Variants in CIB4 observed in about 807,000 individuals in gnomAD.
CIB4 encodes calcium and integrin-binding family member 4.
CIB4 carries 25 observed loss-of-function variants against 25.8 expected under a neutral mutation model. The ratio of observed to expected loss-of-function variants is 0.97; its 90% CI spans 0.71 to 1.35. The LOEUF (loss-of-function observed/expected upper bound fraction) is 1.35. Ranked by LOEUF, CIB4 falls within the 40% of genes most tolerant of loss-of-function variation. The probability of loss-of-function intolerance (pLI) is 0.00; values close to 1 mark genes in which losing one functional copy is unlikely to be tolerated. For missense variants in CIB4, 235 were observed against 228.2 expected (o/e 1.03, Z -0.19); for synonymous variants, 75 against 81.4 (o/e 0.92, Z 0.42).
In CIB4 at chr2:26,582,879, ATGTTGTCAT is replaced by A; in HGVS notation, c.464_472del (p.Asn155_Asn157del). On this transcript the variant is annotated inframe_deletion, in exon 6 of 7. Coordinates refer to ENST00000288861, the MANE Select transcript of CIB4 (RefSeq NM_001029881.3). ...ATGTTCAAACTCTGAGAAGGACAGC[ATGTTGTCAT>A]TGTCCAGATCCGACTCACTCAGGAC... is the stretch of plus-strand genomic sequence containing the variant. 6.2e-7 allele frequency: 1 copy of A among 1,613,890 alleles called. No individual in the cohort carries two copies. The highest frequency in any genetic ancestry group is 8.5e-7 in the Non-Finnish European group (1 of 1,179,810).
chr2:26,635,171 A>G (rs17005540), intron 2 of CIB4, among the ~76,000 whole-genome samples: 3,055 of 152,354 alleles, frequency 0.02, 109 homozygotes, highest in African/African-American at 0.069. Context: ...TGCTGAGATC[A>G]AAAACATGTG....
chr2:26,630,710 G>A (rs73920315), intron 2 of CIB4, among the ~76,000 whole-genome samples: 2,080 of 152,206 alleles, frequency 0.014, 46 homozygotes, highest in African/African-American at 0.047. Context: ...TCTTTGCAGT[G>A]GGGTAGTAAA....
intron 3 of CIB4, among the ~76,000 whole-genome samples, chr2:26,612,243 C>T (rs1294252193): frequency 6.6e-6 from 1 of 152,202 alleles, no homozygotes; most frequent in African/African-American, 2.4e-5. Context: ...TCCTGTAAGG[C>T]CTGGCAGGAG....
intron 3 of CIB4, among the ~76,000 whole-genome samples, chr2:26,598,173 G>C (rs1668715290): frequency 6.6e-6 from 1 of 151,834 alleles, no homozygotes; most frequent in Admixed American, 6.6e-5. Context: ...GATGGTGCGT[G>C]CCTGCAGTCC....
chr2:26,586,984 T>C (rs1171567369), intron 4 of CIB4, among the ~76,000 whole-genome samples: 2 of 152,208 alleles, frequency 1.3e-5, no homozygotes, highest in African/African-American at 2.4e-5. Flanking sequence ...TCCCTGACAC[T>C]GAGAGCTTTA....
At chr2:26,614,898 C>T (rs1318668035) in intron 3 of CIB4, among the ~76,000 whole-genome samples, 4 of 152,212 alleles carry the variant, frequency 2.6e-5, no homozygotes, top group Non-Finnish European at 5.9e-5. Context: ...CAATGCTGCA[C>T]GTCAAGGATA....
At chr2:26,611,393 T>C (rs1308826831) in intron 3 of CIB4, among the ~76,000 whole-genome samples, 3 of 152,222 alleles carry the variant, frequency 2.0e-5, no homozygotes, top group Non-Finnish European at 4.4e-5. Flanking sequence ...TATGGAGTCA[T>C]GTCAACTTAG....
At chr2:26,590,258 T>TAAAAAAAAAAAAAAAAAAAAAAAAAAAAA (rs869097756) in intron 4 of CIB4, among the ~76,000 whole-genome samples, 1 of 61,824 alleles carries the variant, frequency 1.6e-5, no homozygotes. Context: ...CAAGCATCTG[T>TAAAAAAAAAAAAAAAAAAAAAAAAAAAAA]AAAAAAAAAA....
chr2:26,594,482 C>T (rs1037944519), intron 4 of CIB4, among the ~76,000 whole-genome samples: 21 of 152,162 alleles, frequency 1.4e-4, no homozygotes, highest in African/African-American at 4.1e-4. Flanking sequence ...AAGGAAGGAA[C>T]GTGAGATGCG....
At chr2:26,618,511 G>C (rs950762027) in intron 3 of CIB4, among the ~76,000 whole-genome samples, 2 of 152,098 alleles carry the variant, frequency 1.3e-5, no homozygotes, top group African/African-American at 2.4e-5. Flanking sequence ...TCAAGACCAG[G>C]CTGGTCTTGA....
At chr2:26,629,369 C>A in intron 3 of CIB4, 41 bp downstream of exon 3, 3 of 1,312,642 alleles carry the variant, frequency 2.3e-6, no homozygotes, top group Non-Finnish European at 3.2e-6. Flanking sequence ...CAGCAGGTCC[C>A]ACTGATGCTG....
At chr2:26,593,836 AGTTTG>A (rs1668632265) in intron 4 of CIB4, among the ~76,000 whole-genome samples, 1 of 152,188 alleles carries the variant, frequency 6.6e-6, no homozygotes, top group Non-Finnish European at 1.5e-5. Context: ...AGCTGCTTTG[AGTTTG>A]CCCTCGTGTA....
chr2:26,620,645 C>A (rs898279744), intron 3 of CIB4, among the ~76,000 whole-genome samples: 1 of 152,174 alleles, frequency 6.6e-6, no homozygotes, highest in African/African-American at 2.4e-5. Flanking sequence ...CCCCTCAGAT[C>A]GCCCTTCAGT....
At chr2:26,603,015 A>T (rs2148204090) in intron 3 of CIB4, among the ~76,000 whole-genome samples, 1 of 128,350 alleles carries the variant, frequency 7.8e-6, no homozygotes, top group Non-Finnish European at 1.6e-5. Flanking sequence ...TGATCGCTCC[A>T]CTGTGGCATG....
intron 3 of CIB4, among the ~76,000 whole-genome samples, chr2:26,604,608 T>G (rs1168432008): frequency 6.6e-6 from 1 of 152,138 alleles, no homozygotes; most frequent in Non-Finnish European, 1.5e-5. Context: ...AATACTCTTT[T>G]TTTCCCCCAG....
rs868351107 is a variant in CIB4 at position 26,589,030 on chromosome 2, T to C, written c.329-5132A>G. 4.5e-3 allele frequency among the ~76,000 whole-genome samples: 171 copies of C among 37,762 alleles called. 12 individuals are homozygous for C. The highest frequency in any genetic ancestry group is 0.017 in the African/African-American group (156 of 9,244). The allele number at this position is 37,762 out of a possible 152,430, so 24.8% of individuals were successfully genotyped here. On this transcript the variant is annotated intron_variant, in intron 4 of 6. Transcript: ENST00000288861. ...CTTCTTCTTCTTCTTCTTCTTCTTC[T>C]TCTTCTTCTTCTTCTTCTTCTTCTT...
At chr2:26,596,200 G>C (rs1049486033) in intron 3 of CIB4, among the ~76,000 whole-genome samples, 3 of 152,170 alleles carry the variant, frequency 2.0e-5, no homozygotes, top group Non-Finnish European at 4.4e-5. Flanking sequence ...CAGAGACATG[G>C]ACTGAATAGT....
At chr2:26,610,137 G>A (rs1261417786) in intron 3 of CIB4, among the ~76,000 whole-genome samples, 1 of 152,230 alleles carries the variant, frequency 6.6e-6, no homozygotes, top group East Asian at 1.9e-4. Context: ...GAGGTTCTCA[G>A]ATGGTGTCAG....
chr2:26,617,322 T>C (rs1669114017), intron 3 of CIB4, among the ~76,000 whole-genome samples: 1 of 151,968 alleles, frequency 6.6e-6, no homozygotes, highest in African/African-American at 2.4e-5. Context: ...GAGAGAGAAG[T>C]TGGCAAGAGC....
Sources: gnomAD v4.1 joint callset for allele counts (sites outside exome capture counted in the v4.1 genomes callset) on GRCh38, gnomAD v4.1.1 for gene constraint, MANE v1.5 for transcripts, NCBI Gene and HGNC (gene_info 2026-07-23, HGNC 2026-07-21) for gene names.